The following CYGB variants were observed in gnomAD, a reference collection of about 807,000 sequenced individuals.
CYGB encodes cytoglobin, also known as histoglobin.
CYGB carries 13 observed loss-of-function variants against 20.7 expected under a neutral mutation model. The ratio of observed to expected loss-of-function variants is 0.63; its 90% CI spans 0.41 to 1.00. The LOEUF is 1.00. Ranked by LOEUF, CYGB falls within the 50% of genes least tolerant of loss-of-function variation. The probability of loss-of-function intolerance (pLI) is 0.00; values close to 1 mark genes in which losing one functional copy is unlikely to be tolerated. For missense variants in CYGB, 218 were observed against 257.2 expected (o/e 0.85, Z 1.04); for synonymous variants, 93 against 107.4 (o/e 0.87, Z 0.83).
chr17:76,528,404 C>T lies in CYGB; in HGVS notation c.*174G>A. The T allele has an allele frequency of 1.8e-6, 1 of 546,230 alleles. No homozygotes were observed. The highest frequency in any genetic ancestry group is 2.8e-6 in the Non-Finnish European group (1 of 354,080). 33.8% of individuals were successfully genotyped at this position (546,230 alleles called of 1,614,324 possible). A position where few individuals can be genotyped will look rare whatever the true frequency, so the allele number is the denominator to read the frequency against. On this transcript the variant is annotated 3_prime_UTR_variant, in exon 4 of 4. Coordinates refer to ENST00000293230, the MANE Select transcript of CYGB (RefSeq NM_134268.5). This position sits in a 1 kb window ranked among gnomAD's most constrained non-coding sequence, Gnocchi z 5.8. The stretch of plus-strand genomic sequence containing the variant: ...GTCAGCATCCAGGCAGCCAGCGCCG[C>T]CTCCCAGCAGCTCCAGGGGGGGACC...
At chr17:76,540,239 C>T, upstream of CYGB, 10 of 306,852 alleles carry the variant, frequency 3.3e-5, no homozygotes, top group Non-Finnish European at 6.0e-5. This position sits in a 1 kb window ranked among gnomAD's most constrained non-coding sequence, Gnocchi z 5.0. Flanking sequence ...CGGGCTATGG[C>T]TGGCGGTTGG....
rs761075338 is a variant in CYGB at position 76,531,154 on chromosome 17, G to A, written c.376-12C>T. ...ACCCCAGAGAGGATCTGGGGGCAAA[G>A]GGAGGAAGGGGGAGTGAACGCCCGG... On this transcript the variant is annotated splice_polypyrimidine_tract_variant and intron_variant, in intron 2 of 3. Transcript: ENST00000293230. The surrounding 1 kb of genome is among the most constrained non-coding windows in gnomAD (Gnocchi z 7.4). 2.9e-5 allele frequency: 47 copies of A among 1,607,634 alleles called. No individual in the cohort carries two copies. Among genetic ancestry groups the A allele is most frequent in the Non-Finnish European group, 9.4e-6 (11 of 1,175,740 alleles).
rs2075007164 is a variant in CYGB at position 76,542,774 on chromosome 17, G to A, written c.-53+8088C>T. 8.9e-6 allele frequency: 6 copies of A among 676,490 alleles called. No homozygotes were observed. In the East Asian group the frequency reaches 1.6e-4, roughly 18 times the overall value. The allele number at this position is 676,490 out of a possible 1,614,324, so 41.9% of individuals were successfully genotyped here. ...TGATGGAGGTTCAAAGTAGGCGGATGGACTCATGCCTTTGGCTGCTACCTT... is the reference window on the plus strand; with the variant it reads ...TGATGGAGGTTCAAAGTAGGCGGATAGACTCATGCCTTTGGCTGCTACCTT... On this transcript the variant is annotated intron_variant, in intron 1 of 3. Coordinates refer to the CYGB transcript ENST00000589145.
chr17:76,537,304 G>T, intron 1 of CYGB, 96 bp downstream of exon 1: 2 of 1,334,688 alleles, frequency 1.5e-6, no homozygotes, highest in Non-Finnish European at 1.9e-6. Context: ...GGCTGGGGAG[G>T]TGGCGCTGGA....
At chr17:76,538,457 C>CGCG (rs748142936), upstream of CYGB, 8 of 465,726 alleles carry the variant, frequency 1.7e-5, no homozygotes, top group South Asian at 3.1e-5. Flanking sequence ...GGTGCACGAA[C>CGCG]GCGGCGGCGG....
chr17:76,547,526 G>T (rs1248490462), intron 1 of CYGB, among the ~76,000 whole-genome samples: 1 of 152,170 alleles, frequency 6.6e-6, no homozygotes, highest in Non-Finnish European at 1.5e-5. Flanking sequence ...GTGCCCCCTA[G>T]TGGGGATGAT....
chr17:76,551,054 T>C (rs1052449079), exon 1 of CYGB: 6 of 152,252 alleles, frequency 3.9e-5, no homozygotes, highest in African/African-American at 1.4e-4. Context: ...CCTCCTGGGT[T>C]GCAGACAATG....
At position 76,527,441 on chromosome 17, in the gene CYGB, AGATGAG is replaced by A. The variant is rs1280887032; in HGVS notation, c.*1131_*1136del. 8.1e-6 allele frequency: 3 copies of A among 370,256 alleles called. No homozygotes were observed. Among genetic ancestry groups the A allele is most frequent in the African/African-American group, 2.1e-5 (1 of 47,064 alleles). The allele number at this position is 370,256 out of a possible 1,614,324, so 22.9% of individuals were successfully genotyped here. A position where few individuals can be genotyped will look rare whatever the true frequency, so the allele number is the denominator to read the frequency against. ...AGAAAAGGAGGACGGGCGGTTGCAC[AGATGAG>A]GATGAGGATGAAGATGAGGATGAGG... On this transcript the variant is annotated 3_prime_UTR_variant, in exon 4 of 4. Coordinates refer to ENST00000293230, the MANE Select transcript of CYGB (RefSeq NM_134268.5).
Position 76,533,155 on chromosome 17 carries a change from C to T in CYGB, c.144-1464G>A, listed in dbSNP as rs2074868623. Among the ~76,000 whole-genome samples the T allele has an allele frequency of 1.3e-5, 2 of 152,104 alleles. No individual in the cohort carries two copies. Among genetic ancestry groups the T allele is most frequent in the Non-Finnish European group, 2.9e-5 (2 of 68,020 alleles). On this transcript the variant is annotated intron_variant, in intron 1 of 3. Transcript: ENST00000293230. This position sits in a 1 kb window ranked among gnomAD's most constrained non-coding sequence, Gnocchi z 4.5. Reference sequence around the variant, plus strand: ...ATTGGCGGGGAAGTTTGCACAGTGACCAGGGCACAGTCTGTGTGGAGACTC... The same window carrying T: ...ATTGGCGGGGAAGTTTGCACAGTGATCAGGGCACAGTCTGTGTGGAGACTC...
chr17:76,539,132 G>A (rs2074957491), upstream of CYGB, among the ~76,000 whole-genome samples: 1 of 152,090 alleles, frequency 6.6e-6, no homozygotes, highest in Non-Finnish European at 1.5e-5. Context: ...GGGGCTGGAG[G>A]GGAGCGGGTG....
intron 1 of CYGB, among the ~76,000 whole-genome samples, chr17:76,548,257 C>A (rs1009423117): frequency 1.3e-5 from 2 of 152,180 alleles, no homozygotes; most frequent in African/African-American, 2.4e-5. Context: ...CAGTCACACA[C>A]ACAGATACAC....
chr17:76,528,632 G>C lies in CYGB; in HGVS notation c.540-21C>G, dbSNP rs2074795254. On this transcript the variant is annotated intron_variant, in intron 3 of 3. Transcript: ENST00000293230. The surrounding 1 kb of genome is among the most constrained non-coding windows in gnomAD (Gnocchi z 5.8). The stretch of plus-strand genomic sequence containing the variant: ...GTGGGCTGTGGACGAGATAGGAAGG[G>C]AAGGACAAACGTTACCAGAGGCAGG... 7.9e-7 allele frequency: 1 copy of C among 1,272,616 alleles called. No individual in the cohort carries two copies. The highest frequency in any genetic ancestry group is 1.0e-6 in the Non-Finnish European group (1 of 1,000,806). 78.8% of individuals were successfully genotyped at this position (1,272,616 alleles called of 1,614,324 possible). A position where few individuals can be genotyped will look rare whatever the true frequency, so the allele number is the denominator to read the frequency against.
chr17:76,536,538 G>A (rs2074916047), intron 1 of CYGB, among the ~76,000 whole-genome samples: 1 of 152,200 alleles, frequency 6.6e-6, no homozygotes, highest in African/African-American at 2.4e-5. Flanking sequence ...TGTAGCTAGA[G>A]TCAGTGACTA....
At position 76,528,954 on chromosome 17, in the gene CYGB, G is replaced by A. The variant is rs983626078; in HGVS notation, c.540-343C>T. On this transcript the variant is annotated intron_variant, in intron 3 of 3. Transcript: ENST00000293230. This position sits in a 1 kb window ranked among gnomAD's most constrained non-coding sequence, Gnocchi z 5.8. ...TTTTCCATTAATTCTGAAACGTGGC[G>A]CATTCTGTCCGGCCTGTCTCGTCCC... is the stretch of plus-strand genomic sequence containing the variant. 2.0e-5 allele frequency: 21 copies of A among 1,072,730 alleles called. No individual in the cohort carries two copies. Among genetic ancestry groups the A allele is most frequent in the African/African-American group, 8.3e-5 (5 of 60,320 alleles). 66.5% of individuals were successfully genotyped at this position (1,072,730 alleles called of 1,614,324 possible).
upstream of CYGB, among the ~76,000 whole-genome samples, chr17:76,542,157 G>A (rs146940109): frequency 3.9e-3 from 597 of 152,194 alleles, 1 homozygote; most frequent in African/African-American, 0.013. Flanking sequence ...GCTCAGGCCC[G>A]ATTCCAGGCA....
chr17:76,540,254 G>GC (rs575918636), upstream of CYGB: 937 of 887,748 alleles, frequency 1.1e-3, 15 homozygotes, highest in Non-Finnish European at 1.4e-3. The surrounding 1 kb of genome is among the most constrained non-coding windows in gnomAD (Gnocchi z 5.0). Flanking sequence ...GGTTGGTCGG[G>GC]GGGGGGGGGC....
chr17:76,529,559 A>G lies in CYGB; in HGVS notation c.540-948T>C, dbSNP rs991944171. On this transcript the variant is annotated intron_variant, in intron 3 of 3. Transcript: ENST00000293230. ...TTCCAGTCTCTCTTGGCCCTTGTAAAAAAGCCCTTTTCTCTGGAAGCAGGA... is the reference window on the plus strand; with the variant it reads ...TTCCAGTCTCTCTTGGCCCTTGTAAGAAAGCCCTTTTCTCTGGAAGCAGGA... 1.2e-5 allele frequency: 12 copies of G among 985,260 alleles called. No individual in the cohort carries two copies. The African/African-American group carries it at 2.1e-4, about 17-fold the overall frequency. 61.0% of individuals were successfully genotyped at this position (985,260 alleles called of 1,614,324 possible).
chr17:76,544,797 G>A (rs2075035138), intron 1 of CYGB: 1 of 456,650 alleles, frequency 2.2e-6, no homozygotes, highest in African/African-American at 2.0e-5. Context: ...TGCCATTTCC[G>A]AGTTGCTCAT....
rs2075051311 is a variant in CYGB, at chr17:76,546,174, C to G, written c.-53+4688G>C. 6.6e-6 allele frequency: 1 copy of G among 152,374 alleles called. No homozygotes were observed. Among genetic ancestry groups the G allele is most frequent in the Non-Finnish European group, 1.5e-5 (1 of 68,236 alleles). The allele number at this position is 152,374 out of a possible 1,614,324, so 9.4% of individuals were successfully genotyped here. Reference sequence around the variant, plus strand: ...AATGCTAATATCTCTGCTGGGGGAGCCTGAGTGACGGGGAAAGGCTGCTTG... The same window carrying G: ...AATGCTAATATCTCTGCTGGGGGAGGCTGAGTGACGGGGAAAGGCTGCTTG... On this transcript the variant is annotated intron_variant, in intron 1 of 3. Transcript: ENST00000589145. The surrounding 1 kb of genome is among the most constrained non-coding windows in gnomAD (Gnocchi z 4.5).
Sources: allele counts gnomAD v4.1 joint callset (sites outside exome capture counted in the v4.1 genomes callset), GRCh38; gene constraint gnomAD v4.1.1; non-coding constraint Gnocchi (gnomAD v3.1); transcripts MANE v1.5; gene names NCBI Gene and HGNC (gene_info 2026-07-23, HGNC 2026-07-21).